Variants in THNSL1 observed in about 807,000 individuals in gnomAD.
The protein encoded by THNSL1 is threonine synthase like 1, also known as threonine synthase-like 1.
THNSL1 carries 48 observed loss-of-function variants against 50.4 expected under a neutral mutation model. That is an observed-to-expected ratio of 0.95 (90% CI 0.76 to 1.21). The LOEUF is 1.21. Ranked by LOEUF, THNSL1 falls within the 50% of genes most tolerant of loss-of-function variation. THNSL1 has a pLI of 0.00. For missense variants in THNSL1, 896 were observed against 871.7 expected (o/e 1.03, Z -0.35); for synonymous variants, 309 against 306.1 (o/e 1.01, Z -0.10).
chr10:24,969,792 A>G, the THNSL1 span, among the ~76,000 whole-genome samples: 7 of 152,242 alleles, frequency 4.6e-5, no homozygotes, highest in Admixed American at 4.6e-4. Context: ...AACTTTTCTA[A>G]GAAACTTTTG....
chr10:24,963,680 G>T, the THNSL1 span, among the ~76,000 whole-genome samples: 1 of 151,952 alleles, frequency 6.6e-6, no homozygotes, highest in Non-Finnish European at 1.5e-5. Context: ...GAAAAATTTT[G>T]ACATTAAAAG....
intron 1 of THNSL1, among the ~76,000 whole-genome samples, chr10:25,019,890 T>G (rs909509869): frequency 4.6e-5 from 7 of 152,186 alleles, no homozygotes; most frequent in African/African-American, 1.7e-4. Flanking sequence ...CTCCGTGAAT[T>G]AAAAAAATTT....
At chr10:25,006,174 C>A in the THNSL1 span, among the ~76,000 whole-genome samples, 1 of 151,902 alleles carries the variant, frequency 6.6e-6, no homozygotes, top group African/African-American at 2.4e-5. Context: ...AGCTGCACAC[C>A]CAGAGCACAA....
chr10:25,018,180 G>T (rs753528313), intron 1 of THNSL1, among the ~76,000 whole-genome samples: 7 of 152,210 alleles, frequency 4.6e-5, no homozygotes, highest in Non-Finnish European at 8.8e-5. Flanking sequence ...TTACAGCCAT[G>T]AGCAGGTTGT....
At chr10:24,987,592 A>G in the THNSL1 span, among the ~76,000 whole-genome samples, 2 of 152,186 alleles carry the variant, frequency 1.3e-5, no homozygotes, top group African/African-American at 4.8e-5. Flanking sequence ...GTCTCAAATA[A>G]ATACATAAAA....
At chr10:24,963,625 C>T in the THNSL1 span, among the ~76,000 whole-genome samples, 1 of 152,154 alleles carries the variant, frequency 6.6e-6, no homozygotes, top group Non-Finnish European at 1.5e-5. Flanking sequence ...TTTTCCAAAT[C>T]TCTTTCCATA....
the THNSL1 span, among the ~76,000 whole-genome samples, chr10:24,979,680 AG>A: frequency 6.6e-5 from 10 of 152,160 alleles, no homozygotes; most frequent in Non-Finnish European, 1.2e-4. Context: ...CCAAACATAA[AG>A]GTCTACCCCA....
At chr10:25,021,414 T>C (rs1017171732) in intron 1 of THNSL1, among the ~76,000 whole-genome samples, 36 of 152,346 alleles carry the variant, frequency 2.4e-4, no homozygotes, top group Non-Finnish European at 1.0e-4. Flanking sequence ...GCTGACTTTT[T>C]CCCCTCTGAT....
At chr10:24,976,656 A>AT in the THNSL1 span, among the ~76,000 whole-genome samples, 1 of 151,686 alleles carries the variant, frequency 6.6e-6, no homozygotes. Flanking sequence ...CACCCAGCTA[A>AT]TTTTTTGTGT....
the THNSL1 span, among the ~76,000 whole-genome samples, chr10:24,997,108 G>A: frequency 6.6e-6 from 1 of 152,152 alleles, no homozygotes; most frequent in Non-Finnish European, 1.5e-5. Context: ...CAGCTACTTG[G>A]GAGGCTGAGG....
At chr10:24,998,594 G>T in the THNSL1 span, among the ~76,000 whole-genome samples, 1 of 151,564 alleles carries the variant, frequency 6.6e-6, no homozygotes, top group African/African-American at 2.4e-5. Flanking sequence ...TGTTGCCCAG[G>T]TGCTCTCTTT....
the THNSL1 span, chr10:24,990,760 T>C: frequency 2.6e-6 from 2 of 767,246 alleles, no homozygotes; most frequent in East Asian, 5.7e-5. Context: ...GTGACTTTTT[T>C]CCCTCCATTG....
Position 25,025,220 on chromosome 10 carries a change from C to G in THNSL1, c.1997C>G (p.Ala666Gly). 4 of 1,614,160 alleles carry G rather than the reference C, an allele frequency of 2.5e-6. No individual in the cohort carries two copies. The highest frequency in any genetic ancestry group is 3.4e-6 in the Non-Finnish European group (4 of 1,180,026). ...KTCPVIISSTAHYSKFAPAIM... is the reference protein window; with the variant it reads ...KTCPVIISSTGHYSKFAPAIM... ...TGCCCTGTGATTATCTCATCTACAG[C>G]CCATTACTCAAAGTTTGCACCTGCT... Residue 666 changes from alanine (A) to glycine (G), a missense_variant, in exon 3 of 3, where the codon GCC becomes GGC. By Grantham distance (60) the Ala-to-Gly change is moderately conservative. Transcript: ENST00000376356.
At chr10:24,996,716 C>CT in the THNSL1 span, among the ~76,000 whole-genome samples, 4 of 152,046 alleles carry the variant, frequency 2.6e-5, no homozygotes, top group African/African-American at 9.7e-5. Context: ...ATCATTTGAC[C>CT]TTTTTTATTA....
At chr10:24,971,089 A>G in the THNSL1 span, among the ~76,000 whole-genome samples, 1 of 151,066 alleles carries the variant, frequency 6.6e-6, no homozygotes, top group East Asian at 1.9e-4. Flanking sequence ...CAAAGAGGGC[A>G]CTTTGACACT....
chr10:24,954,035 G>A, the THNSL1 span, among the ~76,000 whole-genome samples: 1 of 152,146 alleles, frequency 6.6e-6, no homozygotes. Context: ...TTGTGAGAGG[G>A]CGTTGTTTTG....
chr10:24,984,346 G>C, the THNSL1 span: 8 of 1,406,952 alleles, frequency 5.7e-6, no homozygotes, highest in African/African-American at 1.2e-4. Context: ...ATACTTAACA[G>C]TTTTCAAAGT....
the THNSL1 span, among the ~76,000 whole-genome samples, chr10:24,956,028 G>T: frequency 6.6e-6 from 1 of 152,226 alleles, no homozygotes; most frequent in African/African-American, 2.4e-5. Flanking sequence ...GGATAGTCTA[G>T]AGCTGGTATG....
At chr10:24,984,903 C>A in the THNSL1 span, 55 of 1,610,554 alleles carry the variant, frequency 3.4e-5, no homozygotes, top group Non-Finnish European at 4.6e-5. Context: ...TCTTTTTCAG[C>A]CCCTGCAAAT....
Sources: gnomAD v4.1 joint callset for allele counts (sites outside exome capture counted in the v4.1 genomes callset) on GRCh38, gnomAD v4.1.1 for gene constraint, MANE v1.5 for transcripts, NCBI Gene and HGNC (gene_info 2026-07-23, HGNC 2026-07-21) for gene names.